CADM2: variants seen among roughly 807,000 people sequenced by gnomAD.
The protein encoded by CADM2 is immunoglobulin superfamily member 4D.
A neutral mutation model predicts 49.8 loss-of-function variants in CADM2; 12 were observed. The observed-to-expected ratio is 0.24, with a 90% CI of 0.15 to 0.39. The LOEUF (loss-of-function observed/expected upper bound fraction) is 0.39, where lower values mean the gene tolerates loss of function less well. Ranked by LOEUF, CADM2 falls within the 10% of genes least tolerant of loss-of-function variation. The probability of loss-of-function intolerance (pLI) is 1.00; values close to 1 mark genes in which losing one functional copy is unlikely to be tolerated. For missense variants in CADM2, 378 were observed against 492.3 expected, an observed-to-expected ratio of 0.77 and a Z score of 2.20; for synonymous variants, 214 against 175.4, an observed-to-expected ratio of 1.22 and a Z score of -1.74.
intron 1 of CADM2, among the ~76,000 whole-genome samples, chr3:85,512,659 G>A (rs904423478): frequency 4.6e-5 from 7 of 151,750 alleles, no homozygotes; most frequent in East Asian, 1.9e-4. Flanking sequence ...TTTGCAGCAT[G>A]TATTGCATCT....
intron 1 of CADM2, among the ~76,000 whole-genome samples, chr3:85,276,167 C>T: frequency 6.6e-6 from 1 of 151,144 alleles, no homozygotes; most frequent in Non-Finnish European, 1.5e-5. Flanking sequence ...CAAAAACAAG[C>T]CATTAATACA....
chr3:85,382,214 A>C (rs1400089369), intron 1 of CADM2, among the ~76,000 whole-genome samples: 1 of 152,190 alleles, frequency 6.6e-6, no homozygotes, highest in African/African-American at 2.4e-5. Flanking sequence ...TTGTACTCAA[A>C]ATAAATTCTG....
At chr3:85,777,443 TG>T (rs990477660) in intron 2 of CADM2, among the ~76,000 whole-genome samples, 8 of 151,800 alleles carry the variant, frequency 5.3e-5, no homozygotes, top group Non-Finnish European at 1.2e-4. Flanking sequence ...TTAGTAGAGA[TG>T]GGGTTTCTAC....
chr3:85,736,052 G>C (rs2107809620), intron 2 of CADM2, among the ~76,000 whole-genome samples: 1 of 152,060 alleles, frequency 6.6e-6, no homozygotes, highest in East Asian at 1.9e-4. Context: ...AAAAATGTTA[G>C]GACTTGTGGT....
intron 1 of CADM2, among the ~76,000 whole-genome samples, chr3:85,226,433 A>C (rs1321516514): frequency 7.2e-5 from 11 of 152,006 alleles, no homozygotes; most frequent in African/African-American, 2.4e-4. Flanking sequence ...GTATTCTCTG[A>C]TGGTAGTTTG....
At chr3:85,999,479 T>C (rs1489515283) in intron 8 of CADM2, among the ~76,000 whole-genome samples, 1 of 147,594 alleles carries the variant, frequency 6.8e-6, no homozygotes, top group East Asian at 2.0e-4. Flanking sequence ...CACTCCAGCC[T>C]GAGTGACCAA....
At chr3:85,295,244 C>G (rs2043926192) in intron 1 of CADM2, among the ~76,000 whole-genome samples, 1 of 151,970 alleles carries the variant, frequency 6.6e-6, no homozygotes, top group South Asian at 2.1e-4. Context: ...CAATGAGATA[C>G]CATCTCACAC....
At chr3:85,766,878 CA>C (rs2069681499) in intron 2 of CADM2, among the ~76,000 whole-genome samples, 1 of 152,084 alleles carries the variant, frequency 6.6e-6, no homozygotes, top group South Asian at 2.1e-4. Context: ...TGTTCTTAAT[CA>C]TGTGCTGAAA....
At chr3:85,213,279 C>T (rs576398288) in intron 1 of CADM2, among the ~76,000 whole-genome samples, 1 of 152,090 alleles carries the variant, frequency 6.6e-6, no homozygotes, top group African/African-American at 2.4e-5. Context: ...TCTGCTTTTG[C>T]TTGTCTGGTA....
intron 2 of CADM2, among the ~76,000 whole-genome samples, chr3:85,737,120 C>A (rs991788650): frequency 2.0e-5 from 3 of 152,132 alleles, no homozygotes; most frequent in Non-Finnish European, 2.9e-5. Context: ...CAGTCCTGAT[C>A]TTGTCCTCAT....
At chr3:85,418,814 A>G (rs1171865998) in intron 1 of CADM2, among the ~76,000 whole-genome samples, 1 of 152,178 alleles carries the variant, frequency 6.6e-6, no homozygotes, top group Non-Finnish European at 1.5e-5. Context: ...GGTCACACAA[A>G]GCAGTTTCTT....
chr3:85,262,808 A>G (rs983380522), intron 1 of CADM2, among the ~76,000 whole-genome samples: 2 of 122,616 alleles, frequency 1.6e-5, no homozygotes, highest in Non-Finnish European at 3.6e-5. Flanking sequence ...TATAGAACGT[A>G]TAAGATCTAC....
chr3:85,471,776 C>A (rs1300665710), intron 1 of CADM2, among the ~76,000 whole-genome samples: 1 of 149,442 alleles, frequency 6.7e-6, no homozygotes, highest in African/African-American at 2.5e-5. Flanking sequence ...CTGACAGAGA[C>A]AAAATATCAC....
intron 2 of CADM2, among the ~76,000 whole-genome samples, chr3:85,766,679 A>G (rs2069671510): frequency 6.6e-6 from 1 of 152,184 alleles, no homozygotes; most frequent in Non-Finnish European, 1.5e-5. Context: ...TTGGTCTTGT[A>G]GTTCAGATAT....
At chr3:85,181,959 T>C (rs1414400040) in intron 1 of CADM2, among the ~76,000 whole-genome samples, 1 of 149,188 alleles carries the variant, frequency 6.7e-6, no homozygotes, top group East Asian at 1.9e-4. Flanking sequence ...TTTAATATAT[T>C]ATAATTTATA....
At chr3:85,123,980 T>G (rs2038947048) in intron 1 of CADM2, among the ~76,000 whole-genome samples, 1 of 152,176 alleles carries the variant, frequency 6.6e-6, no homozygotes, top group Admixed American at 6.5e-5. Flanking sequence ...ATGAGCTATA[T>G]AAGTACTGGG....
intron 1 of CADM2, among the ~76,000 whole-genome samples, chr3:85,112,058 T>C (rs2038479172): frequency 6.6e-6 from 1 of 151,920 alleles, no homozygotes; most frequent in Non-Finnish European, 1.5e-5. Context: ...TAACAATGTT[T>C]ACCAACTTAT....
At chr3:85,139,168 A>G (rs1389991036) in intron 1 of CADM2, among the ~76,000 whole-genome samples, 1 of 152,192 alleles carries the variant, frequency 6.6e-6, no homozygotes, top group African/African-American at 2.4e-5. Context: ...TTTGTTCTCT[A>G]GTAGATTAGG....
chr3:85,197,666 T>C (rs780212415), intron 1 of CADM2, among the ~76,000 whole-genome samples: 3 of 151,928 alleles, frequency 2.0e-5, no homozygotes, highest in Non-Finnish European at 4.4e-5. Context: ...ACTCTTCCAT[T>C]TGGGGGATTT....
Sources: allele counts gnomAD v4.1 joint callset (sites outside exome capture counted in the v4.1 genomes callset), GRCh38; gene constraint gnomAD v4.1.1; transcripts MANE v1.5; gene names NCBI Gene and HGNC (gene_info 2026-07-23, HGNC 2026-07-21).